The following POFUT3 variants were observed in gnomAD, a reference collection of about 807,000 sequenced individuals.
The protein encoded by POFUT3 is protein O-fucosyltransferase 3.
At chr8:33,343,397 A>C in the POFUT3 span, among the ~76,000 whole-genome samples, 1 of 152,220 alleles carries the variant, frequency 6.6e-6, no homozygotes, top group Admixed American at 6.5e-5. Context: ...AAGCTTTCAC[A>C]ATTGATTACA....
chr8:33,318,444 ATG>A, the POFUT3 span, among the ~76,000 whole-genome samples: 2 of 142,180 alleles, frequency 1.4e-5, no homozygotes, highest in Admixed American at 7.9e-5. Flanking sequence ...ATGTATTTAT[ATG>A]TGTGTGTGTA....
the POFUT3 span, among the ~76,000 whole-genome samples, chr8:33,361,832 AT>A: frequency 6.6e-6 from 1 of 152,162 alleles, no homozygotes; most frequent in South Asian, 2.1e-4. Context: ...GTGTTTCCCA[AT>A]TGAAAAACCA....
At chr8:33,402,547 A>C in the POFUT3 span, among the ~76,000 whole-genome samples, 2 of 152,184 alleles carry the variant, frequency 1.3e-5, no homozygotes, top group Admixed American at 1.3e-4. Context: ...TGATTTTCTA[A>C]TATACATGTC....
the POFUT3 span, among the ~76,000 whole-genome samples, chr8:33,398,304 A>C: frequency 2.0e-5 from 3 of 152,252 alleles, no homozygotes; most frequent in African/African-American, 7.2e-5. Flanking sequence ...CCCACCGTTC[A>C]GATTCAAAAA....
the POFUT3 span, among the ~76,000 whole-genome samples, chr8:33,358,725 C>T: frequency 3.3e-5 from 5 of 151,972 alleles, no homozygotes; most frequent in Non-Finnish European, 7.4e-5. Flanking sequence ...AAAAGAGACC[C>T]AGAGTGCTGG....
At chr8:33,396,201 G>A in the POFUT3 span, among the ~76,000 whole-genome samples, 12 of 152,222 alleles carry the variant, frequency 7.9e-5, no homozygotes, top group African/African-American at 2.9e-4. Flanking sequence ...CTCACTCTGG[G>A]CAATGCTACC....
the POFUT3 span, among the ~76,000 whole-genome samples, chr8:33,318,269 C>A: frequency 6.6e-6 from 1 of 151,218 alleles, no homozygotes; most frequent in African/African-American, 2.4e-5. Flanking sequence ...TTTCACTTAA[C>A]CTAAAAAGGA....
the POFUT3 span, among the ~76,000 whole-genome samples, chr8:33,386,530 G>T: frequency 6.6e-6 from 1 of 152,140 alleles, no homozygotes; most frequent in Non-Finnish European, 1.5e-5. Flanking sequence ...CTATTTACCC[G>T]CTGGGCGCTG....
the POFUT3 span, among the ~76,000 whole-genome samples, chr8:33,395,634 G>A: frequency 3.3e-5 from 5 of 152,058 alleles, no homozygotes; most frequent in Non-Finnish European, 2.9e-5. Flanking sequence ...GGACCTGAGC[G>A]TAGGTTCAAG....
the POFUT3 span, among the ~76,000 whole-genome samples, chr8:33,320,169 G>A: frequency 2.0e-5 from 3 of 151,918 alleles, no homozygotes; most frequent in Non-Finnish European, 4.4e-5. Flanking sequence ...AATTGCTGAT[G>A]ATTTGATTGA....
the POFUT3 span, among the ~76,000 whole-genome samples, chr8:33,424,798 C>T: frequency 6.6e-6 from 1 of 152,122 alleles, no homozygotes; most frequent in Non-Finnish European, 1.5e-5. Flanking sequence ...TCTCTGCTGC[C>T]CCCTCTTGTC....
the POFUT3 span, among the ~76,000 whole-genome samples, chr8:33,396,869 A>G: frequency 1.3e-5 from 2 of 152,210 alleles, no homozygotes; most frequent in African/African-American, 4.8e-5. Context: ...TGTGTTCTTG[A>G]CACTTAATTA....
At chr8:33,406,300 T>TA in the POFUT3 span, among the ~76,000 whole-genome samples, 5 of 152,134 alleles carry the variant, frequency 3.3e-5, no homozygotes, top group East Asian at 1.9e-4. Flanking sequence ...ATGATTCAGT[T>TA]AAAAAAATAC....
chr8:33,395,769 G>T, the POFUT3 span, among the ~76,000 whole-genome samples: 1 of 152,148 alleles, frequency 6.6e-6, no homozygotes, highest in Admixed American at 6.5e-5. Context: ...GCAACCCCTA[G>T]ACACTGCCGT....
the POFUT3 span, among the ~76,000 whole-genome samples, chr8:33,406,867 G>A: frequency 2.6e-5 from 4 of 152,000 alleles, no homozygotes; most frequent in African/African-American, 4.8e-5. Context: ...GCCCCTAGTA[G>A]ACTTCTTTTT....
chr8:33,451,121 G>C, the POFUT3 span, among the ~76,000 whole-genome samples: 1 of 151,096 alleles, frequency 6.6e-6, no homozygotes, highest in Admixed American at 6.6e-5. Flanking sequence ...TACAGATTGA[G>C]TATCTCTTAA....
chr8:33,368,228 G>A, the POFUT3 span, among the ~76,000 whole-genome samples: 68 of 152,108 alleles, frequency 4.5e-4, 1 homozygote, highest in Admixed American at 7.9e-4. Flanking sequence ...TCCTCTTTGG[G>A]ATACAGCCAC....
the POFUT3 span, among the ~76,000 whole-genome samples, chr8:33,318,473 A>G: frequency 7.5e-6 from 1 of 132,956 alleles, no homozygotes. Context: ...CTATTATATT[A>G]TTATAATATA....
At chr8:33,387,384 C>T in the POFUT3 span, among the ~76,000 whole-genome samples, 6 of 151,984 alleles carry the variant, frequency 3.9e-5, no homozygotes, top group Admixed American at 3.9e-4. Context: ...TCTGAGAGCC[C>T]CATATGGTAT....
Sources: allele counts gnomAD v4.1 joint callset (sites outside exome capture counted in the v4.1 genomes callset), GRCh38; gene constraint gnomAD v4.1.1; transcripts MANE v1.5; gene names NCBI Gene and HGNC (gene_info 2026-07-23, HGNC 2026-07-21).